PDE7B: variants seen among roughly 807,000 people sequenced by gnomAD.
The protein encoded by PDE7B is phosphodiesterase 7B.
PDE7B carries 29 observed loss-of-function variants against 56.2 expected under a neutral mutation model. That is an observed-to-expected ratio of 0.52 (90% CI 0.38 to 0.70). The LOEUF is 0.70. PDE7B is among the 30% of genes least tolerant of loss of function. PDE7B has a pLI of 0.00. For synonymous variants in PDE7B, 197 were observed against 196.9 expected (o/e 1.00, Z 0.00); for missense variants, 490 against 565.0 (o/e 0.87, Z 1.35).
At chr6:136,121,591 C>T (rs905749587) in intron 3 of PDE7B, among the ~76,000 whole-genome samples, 1 of 152,080 alleles carries the variant, frequency 6.6e-6, no homozygotes, top group Admixed American at 6.5e-5. Flanking sequence ...GCCATAAGTG[C>T]TAAAAGAAAT....
At chr6:136,143,374 A>G (rs1396317454) in intron 3 of PDE7B, among the ~76,000 whole-genome samples, 1 of 151,958 alleles carries the variant, frequency 6.6e-6, no homozygotes, top group Admixed American at 6.6e-5. Context: ...TTATTTAAAA[A>G]AAAAATGCAA....
rs145495362 is a variant in PDE7B at position 136,145,868 on chromosome 6, T to C, written c.167-1483T>C. 4.8e-3 allele frequency among the ~76,000 whole-genome samples: 733 copies of C among 152,334 alleles called. 2 individuals carry two copies. The highest frequency in any genetic ancestry group is 7.3e-3 in the Non-Finnish European group (497 of 68,044). ...TACTTACTCCCTAGGTAATGTCATCTGACAACTTTCAAGTTTTTATCTCAA... is the reference window on the plus strand; with the variant it reads ...TACTTACTCCCTAGGTAATGTCATCCGACAACTTTCAAGTTTTTATCTCAA... On this transcript the variant is annotated intron_variant, in intron 3 of 12. Transcript: ENST00000308191.
chr6:136,118,626 G>A (rs1263056902), intron 3 of PDE7B, among the ~76,000 whole-genome samples: 4 of 152,064 alleles, frequency 2.6e-5, no homozygotes, highest in Non-Finnish European at 4.4e-5. Context: ...ATATATAATC[G>A]CAGAGCACAA....
In PDE7B at chr6:135,903,234, C is replaced by T. The variant is rs557853175; in HGVS notation, c.22-44230C>T. ...TGTACTCAACACCTCACATCTATTT[C>T]GTCTTTGCAAAAACTGTATAAGCAA... is the stretch of plus-strand genomic sequence containing the variant. On this transcript the variant is annotated intron_variant, in intron 1 of 12. Coordinates refer to ENST00000308191, the MANE Select transcript of PDE7B (RefSeq NM_018945.4). 1.1e-4 allele frequency among the ~76,000 whole-genome samples: 16 copies of T among 152,258 alleles called. 1 individual carries two copies. The highest frequency in any genetic ancestry group is 6.8e-3 in the Middle Eastern group (2 of 294).
intron 2 of PDE7B, among the ~76,000 whole-genome samples, chr6:136,100,139 G>C (rs567724482): frequency 2.0e-5 from 3 of 152,282 alleles, no homozygotes; most frequent in Middle Eastern, 3.4e-3. Context: ...CTATATATCT[G>C]TTTTAGTACC....
intron 2 of PDE7B, among the ~76,000 whole-genome samples, chr6:136,001,066 C>T (rs375419762): frequency 2.0e-5 from 3 of 152,204 alleles, no homozygotes; most frequent in African/African-American, 7.2e-5. Flanking sequence ...CTGCAGCCAC[C>T]GCTGCTGATA....
chr6:135,869,494 C>A (rs537254761), intron 1 of PDE7B, among the ~76,000 whole-genome samples: 1 of 152,214 alleles, frequency 6.6e-6, no homozygotes, highest in South Asian at 2.1e-4. Context: ...TTCATTCAAC[C>A]ATCAGGTATT....
At chr6:136,158,353 T>A (rs560165461) in intron 8 of PDE7B, among the ~76,000 whole-genome samples, 1 of 152,180 alleles carries the variant, frequency 6.6e-6, no homozygotes, top group African/African-American at 2.4e-5. Flanking sequence ...AAAAAATATA[T>A]GTACATATAC....
At chr6:136,178,770 T>A (rs1779018775) in intron 9 of PDE7B, among the ~76,000 whole-genome samples, 1 of 152,238 alleles carries the variant, frequency 6.6e-6, no homozygotes, top group Non-Finnish European at 1.5e-5. Flanking sequence ...ACTTTGTTTT[T>A]CAAGGTTTCA....
intron 2 of PDE7B, among the ~76,000 whole-genome samples, chr6:135,974,316 GTGTA>G (rs1417577832): frequency 7.3e-6 from 1 of 137,780 alleles, no homozygotes; most frequent in African/African-American, 2.4e-5. Flanking sequence ...TTATAAATGT[GTGTA>G]TGTGTGTGTG....
chr6:136,146,544 A>G (rs984793445), intron 3 of PDE7B, among the ~76,000 whole-genome samples: 6 of 152,198 alleles, frequency 3.9e-5, no homozygotes, highest in African/African-American at 1.4e-4. Flanking sequence ...TTTGTGCAAG[A>G]TTATTGATTC....
At chr6:135,997,047 T>C (rs1027017813) in intron 2 of PDE7B, among the ~76,000 whole-genome samples, 1 of 152,138 alleles carries the variant, frequency 6.6e-6, no homozygotes, top group Non-Finnish European at 1.5e-5. Context: ...CTGGAGGCCA[T>C]CATTCACTTC....
chr6:136,151,395 T>TA, intron 6 of PDE7B, 140 bp downstream of exon 6: 3 of 546,848 alleles, frequency 5.5e-6, no homozygotes, highest in Non-Finnish European at 9.7e-6. Flanking sequence ...ATCTTACTTT[T>TA]AAAATATGGC....
chr6:136,182,718 T>C (rs916016182), intron 11 of PDE7B, among the ~76,000 whole-genome samples: 2 of 152,196 alleles, frequency 1.3e-5, no homozygotes, highest in African/African-American at 2.4e-5. Flanking sequence ...ATAGTGCCAG[T>C]AAATCAAAGT....
chr6:136,168,858 T>TA (rs1179600474), intron 8 of PDE7B, among the ~76,000 whole-genome samples: 1 of 152,208 alleles, frequency 6.6e-6, no homozygotes, highest in Non-Finnish European at 1.5e-5. Context: ...AACTAACATC[T>TA]AATTAGAACA....
chr6:136,018,637 CAA>C (rs1776017983), intron 2 of PDE7B, among the ~76,000 whole-genome samples: 1 of 152,128 alleles, frequency 6.6e-6, no homozygotes, highest in African/African-American at 2.4e-5. Context: ...CAAAATAATA[CAA>C]ACTCTTAAAT....
chr6:136,040,911 C>G (rs9385752), intron 2 of PDE7B, among the ~76,000 whole-genome samples: 1 of 152,082 alleles, frequency 6.6e-6, no homozygotes, highest in Admixed American at 6.5e-5. Context: ...AGCGGCCTCC[C>G]GTCTCCCCCA....
At chr6:136,187,012 T>C (rs1779155317) in intron 11 of PDE7B, 24 bp from the exon 12 acceptor site, 3 of 1,275,792 alleles carry the variant, frequency 2.4e-6, no homozygotes, top group Admixed American at 1.7e-5. Flanking sequence ...CAATGTGTTT[T>C]TTTCTTTCTT....
At chr6:135,883,272 T>C (rs28604285) in intron 1 of PDE7B, among the ~76,000 whole-genome samples, 6,093 of 152,210 alleles carry the variant, frequency 0.04, 291 homozygotes, top group African/African-American at 0.11. Context: ...TCCTAACAGC[T>C]CTGTTTAACA....
Sources: allele counts gnomAD v4.1 joint callset (sites outside exome capture counted in the v4.1 genomes callset), GRCh38; gene constraint gnomAD v4.1.1; transcripts MANE v1.5; gene names NCBI Gene and HGNC (gene_info 2026-07-23, HGNC 2026-07-21).